CDKL2: variants seen among roughly 807,000 people sequenced by gnomAD.
CDKL2 encodes cyclin dependent kinase like 2, also known as cyclin-dependent kinase-like 2.
In CDKL2, 64 loss-of-function variants were observed where a neutral mutation model predicts 63.9. That is an observed-to-expected ratio of 1.00 (90% confidence interval 0.82 to 1.23). The LOEUF is 1.23. CDKL2 is among the 50% of genes most tolerant of loss of function. The pLI, the probability that CDKL2 is intolerant of heterozygous loss-of-function variation, is 0.00. For synonymous variants in CDKL2, 211 were observed against 229.2 expected (o/e 0.92, Z 0.72); for missense variants, 656 against 668.0 (o/e 0.98, Z 0.20).
rs967548108 is a variant in CDKL2 at position 75,605,444 on chromosome 4, A to G, written c.655+78T>C. 10 of 844,172 alleles carry G rather than the reference A, an allele frequency of 1.2e-5. No individual in the cohort carries two copies. The African/African-American group carries it at 1.7e-4, about 15-fold the overall frequency. 52.3% of individuals were successfully genotyped at this position (844,172 alleles called of 1,614,324 possible). ...TATATAATCTTTAATGCAACAGCTT[A>G]AAAAATCACAAACACACAGGCACAA... On this transcript the variant is annotated intron_variant, in intron 5 of 13. Transcript: ENST00000307465.
intron 12 of CDKL2, among the ~76,000 whole-genome samples, chr4:75,584,929 G>A (rs1728408212): frequency 6.6e-6 from 1 of 152,118 alleles, no homozygotes; most frequent in South Asian, 2.1e-4. Flanking sequence ...GATAAGGGGG[G>A]ACTACCACAT....
chr4:75,591,625 G>C (rs1208809259), intron 12 of CDKL2, among the ~76,000 whole-genome samples, 194 bp downstream of exon 12: 2 of 151,964 alleles, frequency 1.3e-5, no homozygotes, highest in African/African-American at 2.4e-5. Flanking sequence ...TGGGAAGTTA[G>C]GAAATGTTTA....
At chr4:75,582,535 AC>A (rs1728306213) in intron 12 of CDKL2, among the ~76,000 whole-genome samples, 1 of 152,148 alleles carries the variant, frequency 6.6e-6, no homozygotes, top group South Asian at 2.1e-4. Flanking sequence ...AGTCTCGGGA[AC>A]CTATGAGAAA....
chr4:75,593,596 A>C (rs1246621776), intron 10 of CDKL2, among the ~76,000 whole-genome samples: 1 of 152,210 alleles, frequency 6.6e-6, no homozygotes, highest in Non-Finnish European at 1.5e-5. Context: ...AATACCTGAA[A>C]GCAGGTTGAT....
At chr4:75,610,289 A>T (rs1211917794) in intron 3 of CDKL2, among the ~76,000 whole-genome samples, 2 of 152,164 alleles carry the variant, frequency 1.3e-5, no homozygotes, top group Admixed American at 1.3e-4. Flanking sequence ...GTACAGCCAT[A>T]GACAACTCAA....
intron 2 of CDKL2, among the ~76,000 whole-genome samples, chr4:75,625,509 T>A (rs1442241490): frequency 2.6e-5 from 4 of 151,762 alleles, no homozygotes; most frequent in Non-Finnish European, 5.9e-5. Context: ...TCTCAACAAA[T>A]TAGGGAAAAG....
At chr4:75,587,602 C>T (rs941810131) in intron 12 of CDKL2, among the ~76,000 whole-genome samples, 1 of 151,702 alleles carries the variant, frequency 6.6e-6, no homozygotes, top group South Asian at 2.1e-4. Context: ...ATCTGAATAG[C>T]ACTGTATATT....
chr4:75,628,337 G>A (rs1163849181), intron 1 of CDKL2, among the ~76,000 whole-genome samples: 3 of 151,944 alleles, frequency 2.0e-5, no homozygotes, highest in Non-Finnish European at 2.9e-5. Context: ...GGATTGTATC[G>A]ATCTCCTGAC....
At position 75,617,871 on chromosome 4, in the gene CDKL2, G is replaced by C. The variant is rs145552227; in HGVS notation, c.169-3422C>G. 3.1e-3 allele frequency among the ~76,000 whole-genome samples: 466 copies of C among 152,234 alleles called. 5 individuals carry two copies. Among genetic ancestry groups the C allele is most frequent in the African/African-American group, 0.011 (443 of 41,542 alleles). On this transcript the variant is annotated intron_variant, in intron 2 of 13. Transcript: ENST00000307465. ...TAATCCCAGCACTTTGGGATGCCAA[G>C]GCGGACGGATCACGAGGTCAGGAGT...
At chr4:75,606,637 G>T (rs1159188603) in intron 4 of CDKL2, among the ~76,000 whole-genome samples, 1 of 152,070 alleles carries the variant, frequency 6.6e-6, no homozygotes, top group Non-Finnish European at 1.5e-5. Flanking sequence ...TTATAAAATG[G>T]CACAAAAATT....
At chr4:75,618,100 CAAA>C (rs1297914975) in intron 2 of CDKL2, among the ~76,000 whole-genome samples, 2 of 73,862 alleles carry the variant, frequency 2.7e-5, no homozygotes. Flanking sequence ...GACTCTGTCT[CAAA>C]AAAAAAAAAA....
chr4:75,596,220 T>C lies in CDKL2; in HGVS notation c.1416+27A>G, dbSNP rs774630972. ...GTCTAGAGCTGACTGGTGTTTGCTC[T>C]TCTACTACTGAGAACTGCTTACTTA... On this transcript the variant is annotated intron_variant, in intron 10 of 13. Coordinates refer to ENST00000307465, the MANE Select transcript of CDKL2 (RefSeq NM_001330724.2). 4.7e-5 allele frequency: 62 copies of C among 1,313,214 alleles called. No individual in the cohort carries two copies. The Middle Eastern group carries it at 5.5e-4, about 12-fold the overall frequency. The allele number at this position is 1,313,214 out of a possible 1,614,324, so 81.3% of individuals were successfully genotyped here. A position where few individuals can be genotyped will look rare whatever the true frequency, so the allele number is the denominator to read the frequency against.
intron 3 of CDKL2, among the ~76,000 whole-genome samples, chr4:75,607,664 CAG>C (rs1321708041): frequency 6.6e-6 from 1 of 152,064 alleles, no homozygotes; most frequent in African/African-American, 2.4e-5. Context: ...CTGAGGCAGT[CAG>C]GGGAAATTTT....
intron 3 of CDKL2, among the ~76,000 whole-genome samples, chr4:75,611,334 C>T (rs971922869): frequency 6.6e-5 from 10 of 151,882 alleles, no homozygotes; most frequent in African/African-American, 1.9e-4. Context: ...TGGTGCACAC[C>T]GGTAATCCCA....
In CDKL2 at chr4:75,600,389, T is replaced by TA. The variant is rs763058379; in HGVS notation, c.796-21dup. 6.8e-7 allele frequency: 1 copy of TA among 1,472,796 alleles called. No individual in the cohort carries two copies. Among genetic ancestry groups the TA allele is most frequent in the East Asian group, 2.3e-5 (1 of 44,120 alleles). 91.2% of individuals were successfully genotyped at this position (1,472,796 alleles called of 1,614,324 possible). A position where few individuals can be genotyped will look rare whatever the true frequency, so the allele number is the denominator to read the frequency against. On this transcript the variant is annotated intron_variant, in intron 6 of 13. Coordinates refer to ENST00000307465, the MANE Select transcript of CDKL2 (RefSeq NM_001330724.2). ...GCATTTCTGAAAAATTAAGAACACT[T>TA]AGAGTTCATATCAAGAAAAACTACC...
intron 2 of CDKL2, among the ~76,000 whole-genome samples, chr4:75,618,243 T>TTC (rs1730013833): frequency 1.2e-5 from 1 of 82,858 alleles, no homozygotes; most frequent in Non-Finnish European, 2.5e-5. Flanking sequence ...AAAATTCTTT[T>TTC]TTTTTTTTTT....
At chr4:75,589,522 T>C (rs1728618802) in intron 12 of CDKL2, among the ~76,000 whole-genome samples, 1 of 151,654 alleles carries the variant, frequency 6.6e-6, no homozygotes, top group African/African-American at 2.4e-5. Context: ...GCCGGGATGG[T>C]CTCGATCTCC....
chr4:75,604,023 G>A, intron 5 of CDKL2, 67 bp from the exon 6 acceptor site: 2 of 1,449,540 alleles, frequency 1.4e-6, no homozygotes, highest in Non-Finnish European at 1.9e-6. Flanking sequence ...AGAGACAGGT[G>A]GTGTGAAGTA....
At chr4:75,608,755 A>T (rs2148893595) in intron 3 of CDKL2, among the ~76,000 whole-genome samples, 1 of 152,266 alleles carries the variant, frequency 6.6e-6, no homozygotes, top group South Asian at 2.1e-4. Flanking sequence ...GCACTTTGGG[A>T]GGCCGAGGCA....
Sources: gnomAD v4.1 joint callset for allele counts (sites outside exome capture counted in the v4.1 genomes callset) on GRCh38, gnomAD v4.1.1 for gene constraint, MANE v1.5 for transcripts, NCBI Gene and HGNC (gene_info 2026-07-23, HGNC 2026-07-21) for gene names.